Variants in WNT5B observed in about 807,000 individuals in gnomAD.
WNT5B encodes Wnt family member 5B, also known as protein Wnt-5b.
A neutral mutation model predicts 36.5 loss-of-function variants in WNT5B; 18 were observed. The ratio of observed to expected loss-of-function variants is 0.49; its 90% CI spans 0.34 to 0.73. The LOEUF is 0.73. Among genes scored for constraint, WNT5B ranks in the 30% least tolerant of loss-of-function variants. WNT5B has a pLI of 0.01. For missense variants in WNT5B, 424 were observed against 508.4 expected (o/e 0.83, Z 1.60); for synonymous variants, 213 against 212.3 (o/e 1.00, Z -0.03).
chr12:1,638,499 T>G (rs571829398), intron 3 of WNT5B, among the ~76,000 whole-genome samples: 17 of 152,366 alleles, frequency 1.1e-4, no homozygotes, highest in Non-Finnish European at 1.8e-4. Flanking sequence ...AAGTTGTTAT[T>G]GGCTGTCTTT....
At chr12:1,623,487 G>A (rs2094537180) in intron 1 of WNT5B, among the ~76,000 whole-genome samples, 1 of 152,002 alleles carries the variant, frequency 6.6e-6, no homozygotes, top group Non-Finnish European at 1.5e-5. Flanking sequence ...GAGCCACCGC[G>A]CCCGGCCTCT....
At chr12:1,624,565 T>A (rs2094538589), upstream of WNT5B, among the ~76,000 whole-genome samples, 1 of 152,148 alleles carries the variant, frequency 6.6e-6, no homozygotes, top group Admixed American at 6.5e-5. Context: ...TAATGGCATA[T>A]GCCACAAATG....
Position 1,624,090 on chromosome 12 carries a change from C to T in WNT5B, c.-58+6947C>T, listed in dbSNP as rs558468296. ...CCGTAGTAACAGGGCAATGGTGCAA[C>T]GAAGAAAAGAAAGAGGCTGGGTACC... On this transcript the variant is annotated intron_variant, in intron 1 of 4. Coordinates refer to the WNT5B transcript ENST00000310594. Among the ~76,000 whole-genome samples, 11 of 152,124 alleles carry T rather than the reference C, an allele frequency of 7.2e-5. No individual in the cohort carries two copies. The South Asian group carries it at 8.3e-4, about 11-fold the overall frequency.
At chr12:1,628,918 G>T (rs1352902381), upstream of WNT5B, among the ~76,000 whole-genome samples, 2 of 151,932 alleles carry the variant, frequency 1.3e-5, no homozygotes, top group African/African-American at 2.4e-5. Flanking sequence ...TGGTGTGTGT[G>T]TTGTGTGTGT....
At position 1,630,241 on chromosome 12, in the gene WNT5B, G is replaced by T; in HGVS notation, c.-58+870G>T. 2 of 985,338 alleles carry T rather than the reference G, an allele frequency of 2.0e-6. No individual in the cohort carries two copies. Among genetic ancestry groups the T allele is most frequent in the Non-Finnish European group, 2.4e-6 (2 of 829,862 alleles). 61.0% of individuals were successfully genotyped at this position (985,338 alleles called of 1,614,324 possible). Reference sequence around the variant, plus strand: ...GCGCTCGTCAGGTCCGGGGCCCCGGGGAGGCCGCTGGGGGCGCGGGTCACG... The same window carrying T: ...GCGCTCGTCAGGTCCGGGGCCCCGGTGAGGCCGCTGGGGGCGCGGGTCACG... On this transcript the variant is annotated intron_variant, in intron 1 of 4. Coordinates refer to ENST00000397196, the MANE Select transcript of WNT5B (RefSeq NM_032642.3). This position sits in a 1 kb window ranked among gnomAD's most constrained non-coding sequence, Gnocchi z 5.3.
chr12:1,627,977 G>T (rs547442021), upstream of WNT5B, among the ~76,000 whole-genome samples: 1 of 152,154 alleles, frequency 6.6e-6, no homozygotes, highest in Non-Finnish European at 1.5e-5. The surrounding 1 kb of genome is among the most constrained non-coding windows in gnomAD (Gnocchi z 5.0). Context: ...GGCACCCAGG[G>T]TGTAATTCAT....
At position 1,630,293 on chromosome 12, in the gene WNT5B, G is replaced by T. The variant is rs2094547962; in HGVS notation, c.-58+922G>T. On this transcript the variant is annotated intron_variant, in intron 1 of 4. Coordinates refer to ENST00000397196, the MANE Select transcript of WNT5B (RefSeq NM_032642.3). This position sits in a 1 kb window ranked among gnomAD's most constrained non-coding sequence, Gnocchi z 5.3. ...CCAGACGGGGGCCCCGGAGGACCGC[G>T]GGGGAGCCGCAGGGGCCGTGTGTCC... 11 of 948,620 alleles carry T rather than the reference G, an allele frequency of 1.2e-5. No individual in the cohort carries two copies. The highest frequency in any genetic ancestry group is 1.4e-5 in the Non-Finnish European group (11 of 796,190). The allele number at this position is 948,620 out of a possible 1,614,324, so 58.8% of individuals were successfully genotyped here. A position where few individuals can be genotyped will look rare whatever the true frequency, so the allele number is the denominator to read the frequency against.
At chr12:1,638,039 G>A (rs2094565494) in intron 3 of WNT5B, among the ~76,000 whole-genome samples, 3 of 152,308 alleles carry the variant, frequency 2.0e-5, no homozygotes, top group African/African-American at 7.2e-5. Flanking sequence ...ACGAGGTCAG[G>A]AGATCGAGAC....
rs2094528062 is a variant in WNT5B, at chr12:1,617,164, C to G, written c.-58+21C>G. ...ATCAGGTGAGGCCATAACTTCTTAT[C>G]TAAACTTAGTTTCTGGGGTGGAATT... On this transcript the variant is annotated intron_variant, in intron 1 of 4. Transcript: ENST00000310594. 5 of 152,178 alleles carry G rather than the reference C, an allele frequency of 3.3e-5. No homozygotes were observed. In the South Asian group the frequency reaches 1.0e-3, roughly 32 times the overall value. The allele number at this position is 152,178 out of a possible 1,614,324, so 9.4% of individuals were successfully genotyped here.
chr12:1,620,308 G>GT (rs1411360266), intron 1 of WNT5B, among the ~76,000 whole-genome samples: 1 of 152,166 alleles, frequency 6.6e-6, no homozygotes, highest in Non-Finnish European at 1.5e-5. Context: ...AAACAAGATA[G>GT]TTTTGCTATG....
At chr12:1,622,891 C>T (rs532086962) in intron 1 of WNT5B, among the ~76,000 whole-genome samples, 1 of 152,306 alleles carries the variant, frequency 6.6e-6, no homozygotes, top group South Asian at 2.1e-4. Context: ...TGGGGGCCTT[C>T]TTTGGCAGAG....
In WNT5B at chr12:1,637,705, G is replaced by C. The variant is rs374808461; in HGVS notation, c.329-1979G>C. On this transcript the variant is annotated intron_variant, in intron 3 of 4. Transcript: ENST00000397196. ...GCAGAGGTTGCAGTGAGCTGAGATC[G>C]TGCCACTGCACTCTGGCCTGGGTGA... Among the ~76,000 whole-genome samples the C allele has an allele frequency of 2.0e-5, 3 of 151,150 alleles. No homozygotes were observed. The East Asian group carries it at 5.8e-4, about 29-fold the overall frequency.
chr12:1,640,056 G>A, intron 4 of WNT5B, 80 bp downstream of exon 4: 1 of 1,492,058 alleles, frequency 6.7e-7, no homozygotes, highest in Non-Finnish European at 8.9e-7. Flanking sequence ...CCGTGGCCTG[G>A]CCTTCAAGGA....
chr12:1,618,165 C>A lies in WNT5B; in HGVS notation c.-58+1022C>A, dbSNP rs1048079177. 6.6e-6 allele frequency among the ~76,000 whole-genome samples: 1 copy of A among 152,164 alleles called. No individual in the cohort carries two copies. The highest frequency in any genetic ancestry group is 1.5e-5 in the Non-Finnish European group (1 of 68,024). ...CAAAAAAGAAAAGACAGCTAGCTGA[C>A]TGCCAGTTGGTGATCCTGGTTTTAA... On this transcript the variant is annotated intron_variant, in intron 1 of 4. Coordinates refer to the WNT5B transcript ENST00000310594. This position sits in a 1 kb window ranked among gnomAD's most constrained non-coding sequence, Gnocchi z 4.1.
chr12:1,645,844 G>A lies in WNT5B; in HGVS notation c.672G>A (p.Gly224=), dbSNP rs1183335239. 1.5e-5 allele frequency: 24 copies of A among 1,608,570 alleles called. No individual in the cohort carries two copies. Among genetic ancestry groups the A allele is most frequent in the East Asian group, 6.7e-5 (3 of 44,778 alleles). ...DVACKCHGVS[G]SCSLKTCWLQ... is the part of the protein sequence containing the mutation. ...CCTGCAAATGCCACGGCGTCTCGGG[G>A]TCCTGCAGCCTCAAGACCTGCTGGC... Residue 224 remains glycine, a synonymous_variant, in exon 5 of 5, where the codon GGG becomes GGA. Transcript: ENST00000397196.
intron 3 of WNT5B, among the ~76,000 whole-genome samples, chr12:1,636,976 G>A (rs1488809871): frequency 6.6e-6 from 1 of 152,060 alleles, no homozygotes; most frequent in Non-Finnish European, 1.5e-5. Flanking sequence ...CCAAAGTGCT[G>A]GGATTACAGG....
At chr12:1,620,914 G>T (rs1435378524) in intron 1 of WNT5B, among the ~76,000 whole-genome samples, 4 of 24,208 alleles carry the variant, frequency 1.7e-4, no homozygotes, top group African/African-American at 4.8e-4. Flanking sequence ...TGTTGGCCAG[G>T]ATAGTCTTGA....
In WNT5B at chr12:1,618,673, A is replaced by G. The variant is rs4766397; in HGVS notation, c.-58+1530A>G. Among the ~76,000 whole-genome samples, 120,854 of 152,162 alleles carry G rather than the reference A, an allele frequency of 0.79. 48,609 individuals carry two copies. Among genetic ancestry groups the G allele is most frequent in the Middle Eastern group, 0.87 (256 of 294 alleles). On this transcript the variant is annotated intron_variant, in intron 1 of 4. Transcript: ENST00000310594. The surrounding 1 kb of genome is among the most constrained non-coding windows in gnomAD (Gnocchi z 4.1). The stretch of plus-strand genomic sequence containing the variant: ...TCCTCTTTCTTATCATCTGCACAGA[A>G]TAAGACTTCCAGTGGACTTTTGCTT...
intron 3 of WNT5B, among the ~76,000 whole-genome samples, chr12:1,635,068 T>C (rs529993962): frequency 6.6e-6 from 1 of 152,332 alleles, no homozygotes; most frequent in African/African-American, 2.4e-5. Flanking sequence ...TTGCTGAAGG[T>C]AGCAACAGTA....
Sources: gnomAD v4.1 joint callset for allele counts (sites outside exome capture counted in the v4.1 genomes callset) on GRCh38, gnomAD v4.1.1 for gene constraint, Gnocchi (gnomAD v3.1) non-coding constraint, MANE v1.5 for transcripts, NCBI Gene and HGNC (gene_info 2026-07-23, HGNC 2026-07-21) for gene names.